Variants in CS observed in about 807,000 individuals in gnomAD.
CS encodes citrate synthase, mitochondrial.
A neutral mutation model predicts 61.4 loss-of-function variants in CS; 13 were observed. That is an observed-to-expected ratio of 0.21 (90% CI 0.14 to 0.34). The LOEUF (loss-of-function observed/expected upper bound fraction) is 0.34, where lower values mean the gene tolerates loss of function less well. Among genes scored for constraint, CS ranks in the 10% least tolerant of loss-of-function variants. The pLI, the probability that CS is intolerant of heterozygous loss-of-function variation, is 1.00. For synonymous variants in CS, 159 were observed against 215.2 expected, an observed-to-expected ratio of 0.74 and a Z score of 2.29; for missense variants, 278 against 573.4, an observed-to-expected ratio of 0.48 and a Z score of 5.26.
At chr12:56,281,668 T>C (rs1269032743) in intron 6 of CS, among the ~76,000 whole-genome samples, 1 of 152,172 alleles carries the variant, frequency 6.6e-6, no homozygotes, top group Non-Finnish European at 1.5e-5. Context: ...CACATCCTTT[T>C]CTTTTCTTGT....
rs1395257963 is a variant in CS, at chr12:56,273,736, G to A, written c.1081C>T (p.Arg361Ter). 1 of 1,614,172 alleles carries A rather than the reference G, an allele frequency of 6.2e-7. No homozygotes were observed. The highest frequency in any genetic ancestry group is 1.1e-5 in the South Asian group (1 of 91,084). ...GGCAGGTGTTTCAGAGCAAACTCTC[G>A]CTGACAGGTATATCGCGGATCAGTC... ...RKTDPRYTCQ[R>*]EFALKHLPND... Residue 361 changes from arginine to a stop codon, truncating the protein, a stop_gained, in exon 10 of 11, where the codon CGA becomes TGA. Coordinates refer to ENST00000351328, the MANE Select transcript of CS (RefSeq NM_004077.3). LOFTEE classifies it high-confidence loss of function.
At position 56,272,889 on chromosome 12, in the gene CS, G is replaced by T. The variant is rs923257743; in HGVS notation, c.*195C>A. 3.5e-5 allele frequency: 19 copies of T among 544,936 alleles called. No homozygotes were observed. The highest frequency in any genetic ancestry group is 1.3e-4 in the Admixed American group (4 of 29,886). 33.8% of individuals were successfully genotyped at this position (544,936 alleles called of 1,614,324 possible). On this transcript the variant is annotated 3_prime_UTR_variant, in exon 11 of 11. Coordinates refer to ENST00000351328, the MANE Select transcript of CS (RefSeq NM_004077.3). ...TGATGGGCAACTCATACCAGGCAGG[G>T]GAAGGGAGCTGATTAGGGAAGAAGG...
At chr12:56,293,273 CCTT>C (rs1157583122) in intron 1 of CS, among the ~76,000 whole-genome samples, 10 of 152,210 alleles carry the variant, frequency 6.6e-5, no homozygotes, top group East Asian at 5.8e-4. Context: ...CTCTCTCTGT[CCTT>C]CTGCATATCC....
At chr12:56,297,991 C>T (rs1038506099) in intron 1 of CS, among the ~76,000 whole-genome samples, 2 of 138,292 alleles carry the variant, frequency 1.4e-5, no homozygotes, top group African/African-American at 4.9e-5. Flanking sequence ...GCTTTGCTAC[C>T]CCCCCCGCCC....
At chr12:56,283,067 CT>C in intron 4 of CS, 76 bp from the exon 5 acceptor site, 1 of 1,521,394 alleles carries the variant, frequency 6.6e-7, no homozygotes, top group Non-Finnish European at 9.1e-7. Context: ...CTCATCAGAC[CT>C]TACAACAAGT....
chr12:56,282,947 C>A lies in CS; in HGVS notation c.312G>T (p.Leu104=). Residue 104 remains leucine, a synonymous_variant, in exon 5 of 11, where the codon CTG becomes CTT. Transcript: ENST00000351328. ...CTTCCCCACCCTTAGCCTTGGGTAG[C>A]AGTTTCTGGCATTCAGGGATACTAA... ...RGFSIPECQK[L]LPKAKGGEEP... 1 of 1,614,166 alleles carries A rather than the reference C, an allele frequency of 6.2e-7. No individual in the cohort carries two copies. The highest frequency in any genetic ancestry group is 8.5e-7 in the Non-Finnish European group (1 of 1,180,038).
intron 6 of CS, among the ~76,000 whole-genome samples, chr12:56,279,806 C>T (rs1252107477): frequency 6.9e-6 from 1 of 145,206 alleles, no homozygotes; most frequent in East Asian, 2.0e-4. Context: ...AGCAAAAAAG[C>T]AAAAACCAAA....
chr12:56,293,787 G>T (rs1257564850), intron 1 of CS, among the ~76,000 whole-genome samples: 1 of 152,128 alleles, frequency 6.6e-6, no homozygotes. Context: ...ATTTTAACAG[G>T]GACTTCGTCC....
chr12:56,279,882 C>G (rs1314375881), intron 6 of CS, among the ~76,000 whole-genome samples: 4 of 149,740 alleles, frequency 2.7e-5, no homozygotes, highest in Non-Finnish European at 5.9e-5. Flanking sequence ...GCAGGAGAAT[C>G]GCTTGAACCC....
intron 6 of CS, among the ~76,000 whole-genome samples, chr12:56,277,857 G>A (rs933282145): frequency 9.2e-5 from 14 of 151,856 alleles, no homozygotes; most frequent in Non-Finnish European, 1.6e-4. Flanking sequence ...TTGAACTCCC[G>A]ACCTCAGGTG....
intron 6 of CS, among the ~76,000 whole-genome samples, chr12:56,279,786 A>AC (rs913420724): frequency 1.4e-5 from 2 of 138,758 alleles, no homozygotes; most frequent in East Asian, 2.1e-4. Context: ...CCAAAAAAAA[A>AC]CAAAACAAAA....
At chr12:56,295,864 G>A (rs942065568) in intron 1 of CS, among the ~76,000 whole-genome samples, 2 of 137,532 alleles carry the variant, frequency 1.5e-5, no homozygotes, top group African/African-American at 5.4e-5. Flanking sequence ...TGAGGCAGGA[G>A]AATGGCGTGA....
chr12:56,275,237 G>C, intron 7 of CS, 106 bp from the exon 8 acceptor site: 1 of 1,348,918 alleles, frequency 7.4e-7, no homozygotes. Flanking sequence ...ATGGGCTCAT[G>C]CCAGCCTATA....
chr12:56,286,129 C>A, intron 2 of CS, 106 bp from the exon 3 acceptor site: 1 of 848,420 alleles, frequency 1.2e-6, no homozygotes, highest in Non-Finnish European at 1.9e-6. Flanking sequence ...CTTTATCTGC[C>A]AGGGAAGTCT....
At chr12:56,276,711 T>C (rs1872631507) in intron 6 of CS, among the ~76,000 whole-genome samples, 3 of 152,130 alleles carry the variant, frequency 2.0e-5, no homozygotes, top group Non-Finnish European at 4.4e-5. Context: ...CCGGCTAATT[T>C]TGTATTTTTA....
chr12:56,295,175 C>A (rs771336439), intron 1 of CS, among the ~76,000 whole-genome samples: 1 of 152,052 alleles, frequency 6.6e-6, no homozygotes, highest in Non-Finnish European at 1.5e-5. Flanking sequence ...GATCCTCCTA[C>A]CTCAGCCTCC....
At chr12:56,274,162 A>G (rs898058422) in intron 9 of CS, 3 of 250,778 alleles carry the variant, frequency 1.2e-5, no homozygotes, top group African/African-American at 6.8e-5. Context: ...TCTCTACTAA[A>G]AATACAAAAT....
At chr12:56,279,496 G>T (rs1318291126) in intron 6 of CS, among the ~76,000 whole-genome samples, 1 of 152,094 alleles carries the variant, frequency 6.6e-6, no homozygotes, top group African/African-American at 2.4e-5. Context: ...GCCAGGCGCG[G>T]TGGCTCACGC....
chr12:56,288,026 T>C (rs1872997598), intron 1 of CS, among the ~76,000 whole-genome samples: 1 of 152,154 alleles, frequency 6.6e-6, no homozygotes, highest in South Asian at 2.1e-4. Context: ...GGCAAGGAAA[T>C]TAATTTTTCT....
Sources: gnomAD v4.1 joint callset for allele counts (sites outside exome capture counted in the v4.1 genomes callset) on GRCh38, gnomAD v4.1.1 for gene constraint, MANE v1.5 for transcripts, NCBI Gene and HGNC (gene_info 2026-07-23, HGNC 2026-07-21) for gene names.